The following ARMH4 variants were observed in gnomAD, a reference collection of about 807,000 sequenced individuals.
The protein encoded by ARMH4 is armadillo-like helical domain-containing protein 4.
A neutral mutation model predicts 61.9 loss-of-function variants in ARMH4; 49 were observed. The observed-to-expected ratio is 0.79, with a 90% CI of 0.63 to 1.00. The LOEUF is 1.00. Among genes scored for constraint, ARMH4 ranks in the 50% least tolerant of loss-of-function variants. ARMH4 has a pLI of 0.00. For synonymous variants in ARMH4, 368 were observed against 341.5 expected (o/e 1.08, Z -0.85); for missense variants, 934 against 930.0 (o/e 1.00, Z -0.06).
chr14:58,057,506 A>G (rs1884382942), intron 5 of ARMH4, among the ~76,000 whole-genome samples: 1 of 152,136 alleles, frequency 6.6e-6, no homozygotes, highest in Non-Finnish European at 1.5e-5. Flanking sequence ...CCTAGGTGTT[A>G]CTAGCTCAAA....
intron 5 of ARMH4, among the ~76,000 whole-genome samples, chr14:58,022,138 C>T (rs1349013256): frequency 1.3e-5 from 2 of 152,130 alleles, no homozygotes; most frequent in Non-Finnish European, 2.9e-5. Flanking sequence ...TTTTTCCTTG[C>T]CTTTTCCAGC....
At chr14:58,008,539 C>A (rs1882269766) in intron 6 of ARMH4, among the ~76,000 whole-genome samples, 2 of 152,162 alleles carry the variant, frequency 1.3e-5, no homozygotes, top group African/African-American at 4.8e-5. Flanking sequence ...TTCAGAATAG[C>A]TGTCATCAAG....
At chr14:58,028,760 C>T (rs72714776) in intron 5 of ARMH4, among the ~76,000 whole-genome samples, 9,819 of 152,194 alleles carry the variant, frequency 0.065, 433 homozygotes, top group African/African-American at 0.11. Context: ...CTTCCAAGAT[C>T]AGTTGCATAT....
At chr14:58,007,449 T>C (rs1882221568) in intron 6 of ARMH4, among the ~76,000 whole-genome samples, 1 of 152,228 alleles carries the variant, frequency 6.6e-6, no homozygotes, top group Non-Finnish European at 1.5e-5. Flanking sequence ...TAGCTAGAGC[T>C]CTAAATTATG....
intron 5 of ARMH4, among the ~76,000 whole-genome samples, chr14:58,048,578 T>C (rs2141195701): frequency 6.6e-6 from 1 of 152,290 alleles, no homozygotes; most frequent in South Asian, 2.1e-4. Context: ...CTTGTCTGCT[T>C]CTGGAGAGAA....
At chr14:58,061,289 C>T (rs1884523217) in intron 5 of ARMH4, among the ~76,000 whole-genome samples, 1 of 152,196 alleles carries the variant, frequency 6.6e-6, no homozygotes, top group Non-Finnish European at 1.5e-5. Flanking sequence ...GCCAGTCCTT[C>T]CTCCAAGGTG....
chr14:58,042,356 A>G lies in ARMH4; in HGVS notation c.2090-30206T>C, dbSNP rs1883753426. 4.6e-5 allele frequency among the ~76,000 whole-genome samples: 7 copies of G among 152,372 alleles called. 1 individual carries two copies. In the Middle Eastern group the frequency reaches 0.02, roughly 444 times the overall value. On this transcript the variant is annotated intron_variant, in intron 5 of 7. Coordinates refer to ENST00000267485, the MANE Select transcript of ARMH4 (RefSeq NM_001001872.4). Reference sequence around the variant, plus strand: ...AACTGCTCCTGAGTGACTACTGGGTACATAACGAAATGAAGGCAGAAATAA... The same window carrying G: ...AACTGCTCCTGAGTGACTACTGGGTGCATAACGAAATGAAGGCAGAAATAA...
rs191563191 is a variant in ARMH4 at position 58,068,152 on chromosome 14, T to C, written c.2089+28572A>G. Among the ~76,000 whole-genome samples, 23 of 152,316 alleles carry C rather than the reference T, an allele frequency of 1.5e-4. No individual in the cohort carries two copies. The East Asian group carries it at 4.2e-3, about 28-fold the overall frequency. On this transcript the variant is annotated intron_variant, in intron 5 of 7. Coordinates refer to ENST00000267485, the MANE Select transcript of ARMH4 (RefSeq NM_001001872.4). Reference sequence around the variant, plus strand: ...TAGTTCTTTTTATTATTCACATCCCTGAAAATTGATATATCTGCAAACTGA... The same window carrying C: ...TAGTTCTTTTTATTATTCACATCCCCGAAAATTGATATATCTGCAAACTGA...
chr14:58,054,775 G>A (rs73308336), intron 5 of ARMH4, among the ~76,000 whole-genome samples: 2,136 of 151,480 alleles, frequency 0.014, 64 homozygotes, highest in African/African-American at 0.049. Context: ...GCAGGCACCT[G>A]TAATGCCAGA....
At chr14:58,149,962 T>TC (rs1182622167) in intron 1 of ARMH4, among the ~76,000 whole-genome samples, 1 of 152,218 alleles carries the variant, frequency 6.6e-6, no homozygotes, top group Non-Finnish European at 1.5e-5. Context: ...AGCATTTTTT[T>TC]CCCCAAGGTA....
At chr14:58,068,276 T>G (rs1331248616) in intron 5 of ARMH4, among the ~76,000 whole-genome samples, 1 of 152,184 alleles carries the variant, frequency 6.6e-6, no homozygotes, top group Non-Finnish European at 1.5e-5. Context: ...ATGCTGATGT[T>G]TCTGCACTAA....
intron 5 of ARMH4, among the ~76,000 whole-genome samples, chr14:58,073,980 C>A (rs1884966434): frequency 6.6e-6 from 1 of 151,976 alleles, no homozygotes; most frequent in Non-Finnish European, 1.5e-5. Context: ...AAAGTATCAT[C>A]TCAAATCCCA....
chr14:58,044,107 A>G (rs1311257776), intron 5 of ARMH4, among the ~76,000 whole-genome samples: 1 of 152,196 alleles, frequency 6.6e-6, no homozygotes, highest in Non-Finnish European at 1.5e-5. Context: ...AGAATTGGAA[A>G]AAACTACTTT....
intron 5 of ARMH4, among the ~76,000 whole-genome samples, chr14:58,060,081 G>A (rs1884479459): frequency 6.6e-6 from 1 of 152,180 alleles, no homozygotes; most frequent in Admixed American, 6.5e-5. Flanking sequence ...TTCATATTAA[G>A]TCCATTGTAT....
At chr14:58,085,073 A>T (rs1433841011) in intron 5 of ARMH4, among the ~76,000 whole-genome samples, 1 of 152,204 alleles carries the variant, frequency 6.6e-6, no homozygotes, top group Non-Finnish European at 1.5e-5. Flanking sequence ...TCTTTCTCTG[A>T]TCCAGATTAA....
At chr14:58,045,773 C>T (rs1424341786) in intron 5 of ARMH4, among the ~76,000 whole-genome samples, 1 of 151,774 alleles carries the variant, frequency 6.6e-6, no homozygotes, top group Non-Finnish European at 1.5e-5. Context: ...TAGGATATGC[C>T]CCTAATCCAA....
At chr14:58,086,519 C>G (rs1455604168) in intron 5 of ARMH4, among the ~76,000 whole-genome samples, 1 of 152,110 alleles carries the variant, frequency 6.6e-6, no homozygotes, top group Non-Finnish European at 1.5e-5. Context: ...TGATCAGTTA[C>G]CATGTTTTCC....
intron 5 of ARMH4, among the ~76,000 whole-genome samples, chr14:58,076,139 G>A (rs879858537): frequency 1.3e-4 from 20 of 151,932 alleles, no homozygotes; most frequent in Non-Finnish European, 2.2e-4. Context: ...GGAGGCAGCG[G>A]CGGCAACTAT....
intron 5 of ARMH4, among the ~76,000 whole-genome samples, chr14:58,039,481 CA>C (rs1281010424): frequency 6.6e-6 from 1 of 152,080 alleles, no homozygotes; most frequent in Non-Finnish European, 1.5e-5. Flanking sequence ...CAATATCTAC[CA>C]CTTGATTTCA....
Sources: gnomAD v4.1 joint callset for allele counts (sites outside exome capture counted in the v4.1 genomes callset) on GRCh38, gnomAD v4.1.1 for gene constraint, MANE v1.5 for transcripts, NCBI Gene and HGNC (gene_info 2026-07-23, HGNC 2026-07-21) for gene names.